DENND6B: variants seen among roughly 807,000 people sequenced by gnomAD.
The protein encoded by DENND6B is DENN domain containing 6B.
DENND6B carries 73 observed loss-of-function variants against 85.1 expected under a neutral mutation model. The ratio of observed to expected loss-of-function variants is 0.86; its 90% CI spans 0.71 to 1.04. The LOEUF (loss-of-function observed/expected upper bound fraction) is 1.04, where lower values mean the gene tolerates loss of function less well. DENND6B is among the 50% of genes least tolerant of loss of function. The probability of loss-of-function intolerance (pLI) is 0.00; values close to 1 mark genes in which losing one functional copy is unlikely to be tolerated. For synonymous variants in DENND6B, 357 were observed against 329.3 expected (o/e 1.08, Z -0.91); for missense variants, 715 against 785.8 (o/e 0.91, Z 1.08).
At chr22:50,313,544 C>G (rs892970076) in intron 15 of DENND6B, 45 bp from the exon 16 acceptor site, 2 of 1,506,082 alleles carry the variant, frequency 1.3e-6, no homozygotes, top group Middle Eastern at 2.4e-4. Context: ...CCCATGCCCC[C>G]CAGCCCCATC....
In DENND6B at chr22:50,315,987, C is replaced by T. The variant is rs200521858; in HGVS notation, c.702+38G>A. 252 of 1,612,164 alleles carry T rather than the reference C, an allele frequency of 1.6e-4. No individual in the cohort carries two copies. In the Admixed American group the frequency reaches 2.3e-3, roughly 15 times the overall value. On this transcript the variant is annotated intron_variant, in intron 8 of 19. Coordinates refer to ENST00000413817, the MANE Select transcript of DENND6B (RefSeq NM_001001794.4). Reference sequence around the variant, plus strand: ...AGGAGCAGGACTCAATCGGGTGAAGCCCAGCTGTTTCAGCTCCACCTCCGC... The same window carrying T: ...AGGAGCAGGACTCAATCGGGTGAAGTCCAGCTGTTTCAGCTCCACCTCCGC...
Position 50,326,806 on chromosome 22 carries a change from G to T in DENND6B, c.177+6C>A. On this transcript the variant is annotated splice_donor_region_variant and intron_variant, in intron 1 of 19. Transcript: ENST00000413817. ...CCCGCCCGCGCCCGCGCTCGCGCCC[G>T]CTCACCTCCAGCGCCTGGCCCAGCT... The T allele has an allele frequency of 7.3e-7, 1 of 1,364,700 alleles. No homozygotes were observed. 84.5% of individuals were successfully genotyped at this position (1,364,700 alleles called of 1,614,324 possible).
At chr22:50,314,056 G>A (rs1487773524) in intron 13 of DENND6B, 151 bp downstream of exon 13, 1 of 1,273,606 alleles carries the variant, frequency 7.9e-7, no homozygotes, top group South Asian at 1.5e-5. Context: ...AGAGAAGAGA[G>A]CGACCCCTCC....
chr22:50,315,073 C>G, intron 9 of DENND6B, 152 bp from the exon 10 acceptor site: 1 of 1,155,118 alleles, frequency 8.7e-7, no homozygotes. Flanking sequence ...GAAGATGTGT[C>G]TCGGGTAATC....
intron 16 of DENND6B, 97 bp downstream of exon 16, chr22:50,313,349 G>A: frequency 7.0e-7 from 1 of 1,435,864 alleles, no homozygotes. Flanking sequence ...TGTGGCTCCT[G>A]CCCAGCCACA....
At chr22:50,325,886 C>A (rs2042175770) in intron 1 of DENND6B, among the ~76,000 whole-genome samples, 1 of 152,194 alleles carries the variant, frequency 6.6e-6, no homozygotes, top group South Asian at 2.1e-4. Flanking sequence ...TTCAGCAGGG[C>A]CTTAGAAAGC....
intron 1 of DENND6B, among the ~76,000 whole-genome samples, chr22:50,325,627 G>A (rs145386110): frequency 2.6e-5 from 4 of 152,230 alleles, no homozygotes; most frequent in Admixed American, 6.6e-5. Flanking sequence ...GAGTCACCGC[G>A]TCCGGCCAGG....
chr22:50,319,399 CCT>C, intron 1 of DENND6B: 2 of 985,412 alleles, frequency 2.0e-6, no homozygotes, highest in Non-Finnish European at 2.4e-6. Context: ...CTTCCTGACC[CCT>C]TTCTCACACC....
At chr22:50,322,073 C>T (rs2042062353) in intron 1 of DENND6B, among the ~76,000 whole-genome samples, 1 of 135,278 alleles carries the variant, frequency 7.4e-6, no homozygotes, top group Non-Finnish European at 1.6e-5. Context: ...TTGGGGTCCT[C>T]AATAATTTTT....
intron 13 of DENND6B, 133 bp from the exon 14 acceptor site, chr22:50,314,011 C>T (rs2041691490): frequency 7.6e-7 from 1 of 1,317,540 alleles, no homozygotes; most frequent in Non-Finnish European, 1.0e-6. Context: ...CTGAAAATCT[C>T]ACCCACCCAC....
At position 50,317,935 on chromosome 22, in the gene DENND6B, G is replaced by A; in HGVS notation, c.345C>T (p.Tyr115=). ...GCAGTGCCACAGGGGCCCTGCTGTT[G>A]TAGTGCCTGTCGTCGGCATGCCAGG... ...RSPWHADDRH[Y]NSRAPVALQR... The change falls in exon 4 of 20, where the codon TAC becomes TAT. Residue 115 remains tyrosine (Y), a synonymous_variant. Coordinates refer to ENST00000413817, the MANE Select transcript of DENND6B (RefSeq NM_001001794.4). 1.9e-6 allele frequency: 3 copies of A among 1,610,564 alleles called. No individual in the cohort carries two copies. The highest frequency in any genetic ancestry group is 2.5e-6 in the Non-Finnish European group (3 of 1,179,554).
rs1168540338 is a variant in DENND6B at position 50,317,905 on chromosome 22, C to T, written c.372+3G>A. The T allele has an allele frequency of 1.9e-6, 3 of 1,605,600 alleles. No individual in the cohort carries two copies. Among genetic ancestry groups the T allele is most frequent in the Admixed American group, 1.7e-5 (1 of 59,838 alleles). On this transcript the variant is annotated splice_donor_region_variant and intron_variant, in intron 4 of 19. Transcript: ENST00000413817. ...CAGGCCAGAGACGCAGCCCAGTGCTCACCTGCAGTGCCACAGGGGCCCTGC... is the reference window on the plus strand; with the variant it reads ...CAGGCCAGAGACGCAGCCCAGTGCTTACCTGCAGTGCCACAGGGGCCCTGC...
intron 1 of DENND6B, among the ~76,000 whole-genome samples, chr22:50,322,046 TAA>T (rs34878722): frequency 1.0e-4 from 15 of 145,986 alleles, no homozygotes; most frequent in South Asian, 4.3e-4. Flanking sequence ...TAACCAATAT[TAA>T]AAAAAAAAAA....
At chr22:50,324,886 T>C (rs1341922941) in intron 1 of DENND6B, among the ~76,000 whole-genome samples, 2 of 152,234 alleles carry the variant, frequency 1.3e-5, no homozygotes, top group African/African-American at 2.4e-5. Context: ...CTGAGCTGCA[T>C]GCATCCCAAC....
chr22:50,314,290 T>G lies in DENND6B; in HGVS notation c.1073-18A>C. The G allele has an allele frequency of 4.4e-6, 7 of 1,607,370 alleles. No homozygotes were observed. In the Middle Eastern group the frequency reaches 5.0e-4, roughly 114 times the overall value. ...CAGGTCTCCTACGAGACACGCCCGGTGGCCAGGCCTCAGTGCCCGCAGCTC... is the reference window on the plus strand; with the variant it reads ...CAGGTCTCCTACGAGACACGCCCGGGGGCCAGGCCTCAGTGCCCGCAGCTC... On this transcript the variant is annotated intron_variant, in intron 12 of 19. Coordinates refer to ENST00000413817, the MANE Select transcript of DENND6B (RefSeq NM_001001794.4).
At position 50,318,018 on chromosome 22, in the gene DENND6B, A is replaced by G. The variant is rs749896849; in HGVS notation, c.262T>C (p.Cys88Arg). ...AAGCTGAACTGAGTGTCTCCAAGGC[A>G]GCCTAAGAAGGGGCAGCCCCACCAC... ...YLSFPDSHSG[C>R]LGDTQFSFRM... The change falls in exon 4 of 20, where the codon TGC becomes CGC. Residue 88 changes from cysteine (C) to arginine (R), a missense_variant and splice_region_variant. By Grantham distance (180) the Cys-to-Arg change is radical. Transcript: ENST00000413817. 6.2e-7 allele frequency: 1 copy of G among 1,611,984 alleles called. No homozygotes were observed. The highest frequency in any genetic ancestry group is 1.1e-5 in the South Asian group (1 of 91,074).
At chr22:50,324,485 C>A (rs981647041) in intron 1 of DENND6B, among the ~76,000 whole-genome samples, 4 of 152,186 alleles carry the variant, frequency 2.6e-5, no homozygotes, top group Non-Finnish European at 5.9e-5. Flanking sequence ...AGTGCCATGG[C>A]GCGATCTCGG....
At position 50,309,340 on chromosome 22, in the gene DENND6B, T is replaced by G. The variant is rs111639727; in HGVS notation, c.*2799A>C. 2,661 of 152,468 alleles carry G rather than the reference T, an allele frequency of 0.017. 79 individuals carry two copies. Among genetic ancestry groups the G allele is most frequent in the African/African-American group, 0.06 (2,512 of 41,566 alleles). The allele number at this position is 152,468 out of a possible 1,614,324, so 9.4% of individuals were successfully genotyped here. A position where few individuals can be genotyped will look rare whatever the true frequency, so the allele number is the denominator to read the frequency against. ...CGGGGGCTGGCACTCTGGCCAGGGG[T>G]AGAGCTGTCTGGACCTTCCTGCCTC... is the stretch of plus-strand genomic sequence containing the variant. On this transcript the variant is annotated 3_prime_UTR_variant, in exon 20 of 20. Coordinates refer to ENST00000413817, the MANE Select transcript of DENND6B (RefSeq NM_001001794.4).
chr22:50,314,052 G>A, intron 13 of DENND6B, 155 bp downstream of exon 13: 1 of 1,268,090 alleles, frequency 7.9e-7, no homozygotes, highest in South Asian at 1.5e-5. Context: ...CTGAAGAGAA[G>A]AGAGCGACCC....
Sources: allele counts gnomAD v4.1 joint callset (sites outside exome capture counted in the v4.1 genomes callset), GRCh38; gene constraint gnomAD v4.1.1; transcripts MANE v1.5; gene names NCBI Gene and HGNC (gene_info 2026-07-23, HGNC 2026-07-21).